Variants in TRIM2 observed in about 807,000 individuals in gnomAD.
TRIM2 encodes tripartite motif containing 2, also known as tripartite motif-containing protein 2.
A neutral mutation model predicts 75.2 loss-of-function variants in TRIM2; 20 were observed. The observed-to-expected ratio is 0.27, with a 90% CI of 0.19 to 0.39. The LOEUF (loss-of-function observed/expected upper bound fraction) is 0.39. TRIM2 is among the 10% of genes least tolerant of loss of function. TRIM2 has a pLI of 1.00. For missense variants in TRIM2, 660 were observed against 990.8 expected (o/e 0.67, Z 4.48); for synonymous variants, 373 against 388.3 (o/e 0.96, Z 0.46).
chr4:153,321,716 C>T (rs1340377160), intron 8 of TRIM2, among the ~76,000 whole-genome samples: 1 of 152,114 alleles, frequency 6.6e-6, no homozygotes, highest in Non-Finnish European at 1.5e-5. Flanking sequence ...GAACTTAATT[C>T]TCGTAAAGTT....
intron 1 of TRIM2, among the ~76,000 whole-genome samples, chr4:153,241,276 C>T (rs1296996622): frequency 6.6e-6 from 1 of 152,118 alleles, no homozygotes; most frequent in Non-Finnish European, 1.5e-5. Flanking sequence ...TCCAGAGCAG[C>T]GTTGATCACA....
At chr4:153,270,892 A>G (rs1441632772) in intron 2 of TRIM2, among the ~76,000 whole-genome samples, 3 of 152,212 alleles carry the variant, frequency 2.0e-5, no homozygotes, top group Admixed American at 6.5e-5. Context: ...CTCCCATATA[A>G]CAAATCAGGT....
intron 1 of TRIM2, among the ~76,000 whole-genome samples, chr4:153,181,270 G>A (rs1195720969): frequency 6.6e-6 from 1 of 151,954 alleles, no homozygotes; most frequent in Non-Finnish European, 1.5e-5. Flanking sequence ...ATTCAGTGCA[G>A]GCATTTAGCA....
At chr4:153,233,306 AAAGG>A (rs1426743640) in intron 1 of TRIM2, among the ~76,000 whole-genome samples, 1 of 152,184 alleles carries the variant, frequency 6.6e-6, no homozygotes, top group Admixed American at 6.5e-5. Context: ...AGTGCCAAAG[AAAGG>A]AAGGAAGGAA....
At chr4:153,191,423 A>G (rs999050358) in intron 1 of TRIM2, among the ~76,000 whole-genome samples, 3 of 152,260 alleles carry the variant, frequency 2.0e-5, no homozygotes, top group African/African-American at 7.2e-5. Flanking sequence ...AAGAGATAAC[A>G]CTTTAAATTG....
At chr4:153,202,737 G>A (rs1027965863), upstream of TRIM2, among the ~76,000 whole-genome samples, 1 of 149,760 alleles carries the variant, frequency 6.7e-6, no homozygotes, top group Non-Finnish European at 1.5e-5. Context: ...AGGAAAAAAA[G>A]CCCTACAGTT....
intron 1 of TRIM2, among the ~76,000 whole-genome samples, chr4:153,207,371 A>G (rs1217095053): frequency 6.6e-6 from 1 of 152,204 alleles, no homozygotes; most frequent in African/African-American, 2.4e-5. Flanking sequence ...AAGAGCTTTG[A>G]TTCAGACGAA....
At chr4:153,293,436 C>A (rs138799185) in intron 4 of TRIM2, among the ~76,000 whole-genome samples, 10 of 152,288 alleles carry the variant, frequency 6.6e-5, no homozygotes, top group Non-Finnish European at 1.3e-4. Flanking sequence ...GAAATTCATC[C>A]CTGAAACCAG....
intron 1 of TRIM2, among the ~76,000 whole-genome samples, chr4:153,194,695 T>C (rs964584222): frequency 3.9e-5 from 6 of 152,152 alleles, no homozygotes; most frequent in East Asian, 1.9e-4. Context: ...TGTTCACTAG[T>C]GTCAAAATGC....
chr4:153,197,461 G>A (rs1415806124), intron 1 of TRIM2, among the ~76,000 whole-genome samples: 1 of 152,154 alleles, frequency 6.6e-6, no homozygotes, highest in African/African-American at 2.4e-5. Flanking sequence ...TGGACTCGAT[G>A]TTTGTGTCCT....
At chr4:153,332,996 C>G (rs558183082) in intron 11 of TRIM2, among the ~76,000 whole-genome samples, 1 of 152,222 alleles carries the variant, frequency 6.6e-6, no homozygotes, top group Admixed American at 6.5e-5. Context: ...TGAAAACTTA[C>G]GTCCACACAA....
chr4:153,231,123 A>G (rs1018764642), intron 1 of TRIM2, among the ~76,000 whole-genome samples: 1 of 152,228 alleles, frequency 6.6e-6, no homozygotes, highest in African/African-American at 2.4e-5. Context: ...ATAAATGGAT[A>G]CAAGAATTGT....
chr4:153,255,917 T>A (rs181544801), intron 1 of TRIM2, among the ~76,000 whole-genome samples: 1 of 152,182 alleles, frequency 6.6e-6, no homozygotes, highest in East Asian at 1.9e-4. Flanking sequence ...AGTAGATTAG[T>A]GATTGCTTAG....
intron 1 of TRIM2, among the ~76,000 whole-genome samples, chr4:153,180,968 T>C (rs1432892566): frequency 6.6e-6 from 1 of 152,176 alleles, no homozygotes; most frequent in Non-Finnish European, 1.5e-5. Context: ...GCCTATACAC[T>C]TGTCCCAAGT....
rs1331994365 is a variant in TRIM2 at position 153,336,007 on chromosome 4, T to C, written c.*1041T>C. 3.0e-6 allele frequency: 3 copies of C among 985,714 alleles called. No individual in the cohort carries two copies. The highest frequency in any genetic ancestry group is 3.6e-6 in the Non-Finnish European group (3 of 829,952). The allele number at this position is 985,714 out of a possible 1,614,324, so 61.1% of individuals were successfully genotyped here. A position where few individuals can be genotyped will look rare whatever the true frequency, so the allele number is the denominator to read the frequency against. ...AGCAAGTGTTACCAAAGTTGTGTTA[T>C]CTTGAAAGCATTACAGGTAAGGGCA... On this transcript the variant is annotated 3_prime_UTR_variant, in exon 12 of 12. Transcript: ENST00000338700.
At chr4:153,220,430 AAGT>A (rs1476885171) in intron 1 of TRIM2, among the ~76,000 whole-genome samples, 1 of 152,200 alleles carries the variant, frequency 6.6e-6, no homozygotes, top group Non-Finnish European at 1.5e-5. Context: ...GTTAGTCTGA[AAGT>A]AAAAGAAATG....
At chr4:153,249,772 G>T (rs546883448) in intron 1 of TRIM2, among the ~76,000 whole-genome samples, 1 of 152,290 alleles carries the variant, frequency 6.6e-6, no homozygotes, top group African/African-American at 2.4e-5. Flanking sequence ...ACTTGACACC[G>T]CCTTGAATTT....
chr4:153,291,711 G>T (rs1285719130), intron 3 of TRIM2, among the ~76,000 whole-genome samples: 1 of 152,004 alleles, frequency 6.6e-6, no homozygotes, highest in Admixed American at 6.6e-5. Context: ...CATTGTCAGG[G>T]TCATATTTTT....
intron 3 of TRIM2, among the ~76,000 whole-genome samples, chr4:153,289,197 G>T (rs868367401): frequency 1.3e-5 from 2 of 152,118 alleles, no homozygotes. Flanking sequence ...CTGGAAATCA[G>T]AGTCTCCCCT....
Sources: allele counts gnomAD v4.1 joint callset (sites outside exome capture counted in the v4.1 genomes callset), GRCh38; gene constraint gnomAD v4.1.1; transcripts MANE v1.5; gene names NCBI Gene and HGNC (gene_info 2026-07-23, HGNC 2026-07-21).